CHCHD5: variants seen among roughly 807,000 people sequenced by gnomAD.
The protein encoded by CHCHD5 is coiled-coil-helix-coiled-coil-helix domain containing 5, also known as coiled-coil-helix-coiled-coil-helix domain-containing protein 5.
CHCHD5 carries 10 observed loss-of-function variants against 16.0 expected under a neutral mutation model. That is an observed-to-expected ratio of 0.63 (90% CI 0.39 to 1.06). The LOEUF is 1.06. Ranked by LOEUF, CHCHD5 falls within the 50% of genes least tolerant of loss-of-function variation. The probability of loss-of-function intolerance (pLI) is 0.01; values close to 1 mark genes in which losing one functional copy is unlikely to be tolerated. For synonymous variants in CHCHD5, 55 were observed against 56.3 expected, an observed-to-expected ratio of 0.98 and a Z score of 0.10; for missense variants, 163 against 153.4, an observed-to-expected ratio of 1.06 and a Z score of -0.33.
intron 1 of CHCHD5, 121 bp from the exon 2 acceptor site, chr2:112,585,853 G>A (rs950053735): frequency 4.5e-6 from 5 of 1,107,158 alleles, no homozygotes; most frequent in Non-Finnish European, 6.3e-6. Context: ...AGCTATGATC[G>A]TGCCACTGCA....
intron 3 of CHCHD5, chr2:112,587,386 C>G (rs1685255254): frequency 6.6e-6 from 1 of 152,394 alleles, no homozygotes; most frequent in African/African-American, 2.4e-5. Context: ...GCTCTATGTT[C>G]CAGCCCCAGT....
intron 1 of CHCHD5, 56 bp from the exon 2 acceptor site, chr2:112,585,917 AG>A: frequency 1.3e-5 from 20 of 1,556,336 alleles, no homozygotes; most frequent in South Asian, 7.1e-5. Context: ...AAAAAAAAAA[AG>A]AATTCCCTTG....
Position 112,586,115 on chromosome 2 carries a change from G to T in CHCHD5, c.143+1G>T. Reference sequence around the variant, plus strand: ...GCATTGCCCAGTGCACATCCTCCCAGTGAGTGCGGGCAAGTATGAGACAGT... The same window carrying T: ...GCATTGCCCAGTGCACATCCTCCCATTGAGTGCGGGCAAGTATGAGACAGT... On this transcript the variant is annotated splice_donor_variant, in intron 2 of 3. Coordinates refer to ENST00000324913, the MANE Select transcript of CHCHD5 (RefSeq NM_032309.4). LOFTEE classifies it high-confidence loss of function. The T allele has an allele frequency of 6.2e-7, 1 of 1,614,036 alleles. No individual in the cohort carries two copies. Among genetic ancestry groups the T allele is most frequent in the South Asian group, 1.1e-5 (1 of 91,080 alleles).
chr2:112,586,417 T>C, intron 3 of CHCHD5, 52 bp downstream of exon 3: 1 of 1,612,608 alleles, frequency 6.2e-7, no homozygotes. Context: ...ATCCCCTTCA[T>C]CCTTCTGGTT....
chr2:112,585,748 A>G (rs141092239), intron 1 of CHCHD5, among the ~76,000 whole-genome samples: 3 of 152,282 alleles, frequency 2.0e-5, no homozygotes, highest in African/African-American at 7.2e-5. Context: ...AACATAAAAA[A>G]TTAGCTGGGC....
chr2:112,588,568 G>T, intron 3 of CHCHD5: 1 of 407,330 alleles, frequency 2.5e-6, no homozygotes, highest in Non-Finnish European at 4.4e-6. Context: ...TTTCTTCATC[G>T]AATTTCTTGG....
intron 3 of CHCHD5, 98 bp from the exon 4 acceptor site, chr2:112,588,768 T>TG: frequency 1.1e-6 from 1 of 924,686 alleles, no homozygotes; most frequent in Non-Finnish European, 1.8e-6. Flanking sequence ...CCCTCCAGAC[T>TG]GTGGGCTCTG....
At chr2:112,587,788 C>G (rs148334453) in intron 3 of CHCHD5, 1 of 152,234 alleles carries the variant, frequency 6.6e-6, no homozygotes, top group Non-Finnish European at 1.5e-5. Flanking sequence ...CGTTACCTAA[C>G]GATCACATAC....
chr2:112,587,218 C>T (rs1338765456), intron 3 of CHCHD5: 1 of 152,374 alleles, frequency 6.6e-6, no homozygotes, highest in Non-Finnish European at 1.5e-5. Context: ...CTAGACTGAT[C>T]TCAGAGGAAA....
At chr2:112,584,754 C>G (rs954995344) in intron 1 of CHCHD5, 105 bp downstream of exon 1, 15 of 1,365,238 alleles carry the variant, frequency 1.1e-5, no homozygotes, top group Non-Finnish European at 1.4e-5. Flanking sequence ...AGCCTCCCTC[C>G]TTCTTGGAGA....
rs768701822 is a variant in CHCHD5, at chr2:112,586,239, T to C, written c.183T>C (p.Pro61=). The change falls in exon 3 of 4, where the codon CCT becomes CCC. Residue 61 remains proline (P), a synonymous_variant. Coordinates refer to ENST00000324913, the MANE Select transcript of CHCHD5 (RefSeq NM_032309.4). ...AGATCCGCCAGGCCTGTGCTCAGCCTTTTGAGGCCTTCGAGGAGTGTCTTC... is the reference window on the plus strand; with the variant it reads ...AGATCCGCCAGGCCTGTGCTCAGCCCTTTGAGGCCTTCGAGGAGTGTCTTC... ...IRQIRQACAQ[P]FEAFEECLRQ... 2.2e-5 allele frequency: 36 copies of C among 1,613,462 alleles called. No homozygotes were observed. Among genetic ancestry groups the C allele is most frequent in the Non-Finnish European group, 3.0e-5 (35 of 1,179,494 alleles).
At chr2:112,584,776 G>C (rs1685154542) in intron 1 of CHCHD5, 127 bp downstream of exon 1, 2 of 1,173,074 alleles carry the variant, frequency 1.7e-6, no homozygotes, top group Admixed American at 2.0e-5. Flanking sequence ...CTGACCCTCA[G>C]GATTCAGCGC....
At chr2:112,584,450 C>T, upstream of CHCHD5, 2 of 641,756 alleles carry the variant, frequency 3.1e-6, no homozygotes, top group South Asian at 3.6e-5. Flanking sequence ...AGTGGCTACT[C>T]AGGGCGCCGC....
At chr2:112,586,508 A>G in intron 3 of CHCHD5, 143 bp downstream of exon 3, 1 of 1,552,858 alleles carries the variant, frequency 6.4e-7, no homozygotes, top group Non-Finnish European at 8.7e-7. Flanking sequence ...AGAATCCAGA[A>G]CATCATCACT....
Position 112,586,619 on chromosome 2 carries a change from T to C in CHCHD5, c.309+254T>C. ...CTCCCTGGTCTCCCTTCCTCCCTCT[T>C]TTCTTGCCTCCATAAAGCGGCCTGG... On this transcript the variant is annotated intron_variant, in intron 3 of 3. Transcript: ENST00000324913. 2.7e-6 allele frequency: 4 copies of C among 1,476,646 alleles called. No individual in the cohort carries two copies. In the South Asian group the frequency reaches 5.5e-5, roughly 20 times the overall value. The allele number at this position is 1,476,646 out of a possible 1,614,324, so 91.5% of individuals were successfully genotyped here.
chr2:112,584,940 C>T (rs974039524), intron 1 of CHCHD5: 32 of 539,328 alleles, frequency 5.9e-5, no homozygotes, highest in Non-Finnish European at 8.7e-5. Context: ...ACACTGAAAT[C>T]CTAAGACTAC....
chr2:112,586,231 G>A lies in CHCHD5; in HGVS notation c.175G>A (p.Ala59Thr), dbSNP rs746867076. 1 of 1,613,266 alleles carries A rather than the reference G, an allele frequency of 6.2e-7. No individual in the cohort carries two copies. Among genetic ancestry groups the A allele is most frequent in the African/African-American group, 1.3e-5 (1 of 75,050 alleles). Residue 59 changes from alanine to threonine, a missense_variant, in exon 3 of 4, where the codon GCT becomes ACT. By Grantham distance (58) the Ala-to-Thr change is moderately conservative (BLOSUM62 0). Coordinates refer to ENST00000324913, the MANE Select transcript of CHCHD5 (RefSeq NM_032309.4). ...PIIRQIRQAC[A>T]QPFEAFEECL... is the part of the protein sequence containing the mutation. The stretch of plus-strand genomic sequence containing the variant: ...CATCCGCCAGATCCGCCAGGCCTGT[G>A]CTCAGCCTTTTGAGGCCTTCGAGGA...
At position 112,586,231 on chromosome 2, in the gene CHCHD5, G is replaced by C. The variant is rs746867076; in HGVS notation, c.175G>C (p.Ala59Pro). 1 of 1,613,266 alleles carries C rather than the reference G, an allele frequency of 6.2e-7. No individual in the cohort carries two copies. Among genetic ancestry groups the C allele is most frequent in the Admixed American group, 1.7e-5 (1 of 60,014 alleles). Residue 59 changes from alanine to proline, a missense_variant, in exon 3 of 4, where the codon GCT (alanine) becomes CCT (proline). Transcript: ENST00000324913. ...CATCCGCCAGATCCGCCAGGCCTGT[G>C]CTCAGCCTTTTGAGGCCTTCGAGGA... is the stretch of plus-strand genomic sequence containing the variant. The part of the protein sequence containing the change: ...PIIRQIRQAC[A>P]QPFEAFEECL...
intron 3 of CHCHD5, chr2:112,586,614 C>T: frequency 6.8e-7 from 1 of 1,481,354 alleles, no homozygotes; most frequent in South Asian, 1.4e-5. Context: ...TCCCTTCCTC[C>T]CTCTTTTCTT....
Sources: allele counts gnomAD v4.1 joint callset (sites outside exome capture counted in the v4.1 genomes callset), GRCh38; gene constraint gnomAD v4.1.1; transcripts MANE v1.5; gene names NCBI Gene and HGNC (gene_info 2026-07-23, HGNC 2026-07-21).